EPHA6: variants seen among roughly 807,000 people sequenced by gnomAD.
EPHA6 encodes ephrin type-A receptor 6.
Under a neutral mutation model 112.0 loss-of-function variants are expected in EPHA6, and 50 were observed. The observed-to-expected ratio is 0.45, with a 90% CI of 0.36 to 0.56. EPHA6 has a LOEUF of 0.56. EPHA6 is among the 20% of genes least tolerant of loss of function. The pLI is 0.00. For missense variants in EPHA6, 1,280 were observed against 1,417.4 expected, an observed-to-expected ratio of 0.90 and a Z score of 1.56; for synonymous variants, 529 against 490.7, an observed-to-expected ratio of 1.08 and a Z score of -1.03.
chr3:97,632,019 C>T (rs1218992334), intron 13 of EPHA6, among the ~76,000 whole-genome samples: 1 of 151,986 alleles, frequency 6.6e-6, no homozygotes, highest in East Asian at 1.9e-4. Flanking sequence ...CCCTTTTCCT[C>T]ACTCTTCAGC....
At chr3:97,509,148 G>A (rs538391018) in intron 10 of EPHA6, among the ~76,000 whole-genome samples, 13 of 151,540 alleles carry the variant, frequency 8.6e-5, no homozygotes, top group African/African-American at 3.1e-4. Flanking sequence ...CTGTTTGCCT[G>A]TCTGCGTCTT....
At chr3:97,700,223 T>C (rs1374785174) in intron 14 of EPHA6, among the ~76,000 whole-genome samples, 1 of 152,226 alleles carries the variant, frequency 6.6e-6, no homozygotes, top group Non-Finnish European at 1.5e-5. Flanking sequence ...AAACCACTCA[T>C]GGAAAGAAGC....
At chr3:96,858,985 G>A (rs1167716673) in intron 1 of EPHA6, among the ~76,000 whole-genome samples, 2 of 152,002 alleles carry the variant, frequency 1.3e-5, no homozygotes, top group Non-Finnish European at 2.9e-5. Flanking sequence ...TTTTTCCATC[G>A]CAAACCAAGT....
intron 2 of EPHA6, among the ~76,000 whole-genome samples, chr3:96,891,296 A>G (rs1253686537): frequency 6.6e-6 from 1 of 152,244 alleles, no homozygotes; most frequent in Non-Finnish European, 1.5e-5. Context: ...CTATAGATGA[A>G]TGCCACAAAT....
At chr3:97,561,782 G>A (rs191722515) in intron 11 of EPHA6, among the ~76,000 whole-genome samples, 4 of 152,242 alleles carry the variant, frequency 2.6e-5, no homozygotes, top group Middle Eastern at 3.4e-3. Flanking sequence ...AGAGAAGTTA[G>A]TGTCTGGCTT....
At chr3:97,124,274 G>A (rs529249273) in intron 3 of EPHA6, among the ~76,000 whole-genome samples, 7 of 151,538 alleles carry the variant, frequency 4.6e-5, no homozygotes, top group Admixed American at 4.0e-4. Context: ...TTCCAGATGC[G>A]TTTCAGTATT....
chr3:97,472,078 A>T (rs891735086), intron 7 of EPHA6, among the ~76,000 whole-genome samples: 10 of 151,654 alleles, frequency 6.6e-5, no homozygotes, highest in Admixed American at 2.0e-4. Context: ...GACACTTGTC[A>T]TTGGATATGG....
At chr3:97,651,510 A>G (rs2094107309) in intron 14 of EPHA6, among the ~76,000 whole-genome samples, 1 of 152,108 alleles carries the variant, frequency 6.6e-6, no homozygotes, top group East Asian at 1.9e-4. Flanking sequence ...AATATCTGCA[A>G]TACATCTAGT....
At chr3:96,917,276 TCAGGCATGGTGC>T (rs1215334839) in intron 2 of EPHA6, among the ~76,000 whole-genome samples, 5 of 151,574 alleles carry the variant, frequency 3.3e-5, no homozygotes, top group African/African-American at 1.2e-4. Context: ...CAAAAATTAG[TCAGGCATGGTGC>T]CAGGCACCTT....
intron 11 of EPHA6, among the ~76,000 whole-genome samples, chr3:97,570,118 AT>A (rs1437920717): frequency 1.3e-5 from 2 of 152,326 alleles, no homozygotes; most frequent in East Asian, 3.9e-4. Flanking sequence ...GCCACCAGAG[AT>A]TTTGTATCCT....
At position 97,585,764 on chromosome 3, in the gene EPHA6, G is replaced by T. The variant is rs1317440215; in HGVS notation, c.2387-6848G>T. On this transcript the variant is annotated intron_variant, in intron 11 of 17. Coordinates refer to ENST00000389672, the MANE Select transcript of EPHA6 (RefSeq NM_001080448.3). Reference sequence around the variant, plus strand: ...TACAAGAATTTAGATAATGGACAAAGTTATGTGATTGCATCTTTGGATTAG... The same window carrying T: ...TACAAGAATTTAGATAATGGACAAATTTATGTGATTGCATCTTTGGATTAG... Among the ~76,000 whole-genome samples, 537 of 152,204 alleles carry T rather than the reference G, an allele frequency of 3.5e-3. 5 individuals carry two copies. The highest frequency in any genetic ancestry group is 0.012 in the African/African-American group (517 of 41,492).
chr3:97,197,146 C>T (rs1455614739), intron 3 of EPHA6, among the ~76,000 whole-genome samples: 4 of 151,946 alleles, frequency 2.6e-5, no homozygotes, highest in Non-Finnish European at 5.9e-5. Context: ...CCCAGGAGGC[C>T]GCTTAGTGTT....
At chr3:97,529,809 C>T (rs554028012) in intron 10 of EPHA6, among the ~76,000 whole-genome samples, 1 of 152,046 alleles carries the variant, frequency 6.6e-6, no homozygotes, top group Non-Finnish European at 1.5e-5. Context: ...GTGAAAACAG[C>T]TTGATCATGC....
intron 14 of EPHA6, among the ~76,000 whole-genome samples, chr3:97,683,419 A>G (rs2032011033): frequency 6.6e-6 from 1 of 152,174 alleles, no homozygotes; most frequent in African/African-American, 2.4e-5. Flanking sequence ...AAACAGCATA[A>G]TAACCCCTTA....
chr3:97,189,377 G>T (rs1245408846), intron 3 of EPHA6, among the ~76,000 whole-genome samples: 1 of 151,990 alleles, frequency 6.6e-6, no homozygotes, highest in African/African-American at 2.4e-5. Context: ...TAGAAAGTTA[G>T]TTCAGCTGAG....
intron 13 of EPHA6, among the ~76,000 whole-genome samples, chr3:97,629,829 A>G (rs913511375): frequency 2.0e-5 from 3 of 152,002 alleles, no homozygotes; most frequent in African/African-American, 7.2e-5. Flanking sequence ...ACTTCCCTGG[A>G]TTATTCTGAT....
chr3:96,909,169 A>G (rs1354876171), intron 2 of EPHA6, among the ~76,000 whole-genome samples: 2 of 151,942 alleles, frequency 1.3e-5, no homozygotes, highest in Non-Finnish European at 2.9e-5. Context: ...TTTTTTAAAG[A>G]TGAGCTAAGA....
intron 2 of EPHA6, among the ~76,000 whole-genome samples, chr3:96,934,381 G>A (rs1044332947): frequency 4.6e-5 from 7 of 150,736 alleles, no homozygotes; most frequent in Non-Finnish European, 7.4e-5. Flanking sequence ...AGCACATTTG[G>A]TATTTCTAAT....
At chr3:97,394,994 A>C (rs2109079284) in intron 5 of EPHA6, among the ~76,000 whole-genome samples, 1 of 151,860 alleles carries the variant, frequency 6.6e-6, no homozygotes, top group African/African-American at 2.4e-5. Context: ...CTTAATAAAA[A>C]CCGCAAAGCT....
Sources: gnomAD v4.1 joint callset for allele counts (sites outside exome capture counted in the v4.1 genomes callset) on GRCh38, gnomAD v4.1.1 for gene constraint, MANE v1.5 for transcripts, NCBI Gene and HGNC (gene_info 2026-07-23, HGNC 2026-07-21) for gene names.